Variants in KCNJ8 observed in about 807,000 individuals in gnomAD.
The protein encoded by KCNJ8 is potassium inwardly rectifying channel subfamily J member 8, also known as ATP-sensitive inward rectifier potassium channel 8.
Under a neutral mutation model 28.2 loss-of-function variants are expected in KCNJ8, and 13 were observed. The observed-to-expected ratio is 0.46, with a 90% CI of 0.30 to 0.73. KCNJ8 has a LOEUF of 0.73. Among genes scored for constraint, KCNJ8 ranks in the 30% least tolerant of loss-of-function variants. KCNJ8 has a pLI of 0.07. For synonymous variants in KCNJ8, 188 were observed against 195.9 expected (o/e 0.96, Z 0.34); for missense variants, 284 against 542.6 (o/e 0.52, Z 4.73).
intron 2 of KCNJ8, among the ~76,000 whole-genome samples, chr12:21,770,850 A>G (rs916776559): frequency 2.6e-5 from 4 of 152,230 alleles, no homozygotes; most frequent in Admixed American, 6.5e-5. Context: ...CACATTAGCA[A>G]TCTCTCAAAG....
At position 21,773,789 on chromosome 12, in the gene KCNJ8, G is replaced by T; in HGVS notation, c.-70-103C>A. ...TGTCTGTACATGTGCGAGGTGACAT[G>T]CAAAACCAAAAATGTGATTTTTACT... On this transcript the variant is annotated intron_variant, in intron 1 of 2. Transcript: ENST00000240662. The surrounding 1 kb of genome is among the most constrained non-coding windows in gnomAD (Gnocchi z 4.6). The T allele has an allele frequency of 1.2e-6, 1 of 804,896 alleles. No individual in the cohort carries two copies. Among genetic ancestry groups the T allele is most frequent in the Non-Finnish European group, 2.0e-6 (1 of 509,832 alleles). 49.9% of individuals were successfully genotyped at this position (804,896 alleles called of 1,614,324 possible).
chr12:21,771,354 TA>T (rs1325665802), intron 2 of KCNJ8, among the ~76,000 whole-genome samples: 1 of 152,216 alleles, frequency 6.6e-6, no homozygotes, highest in East Asian at 1.9e-4. Flanking sequence ...TCTCAAGAGA[TA>T]AAAGTGTTTA....
At chr12:21,769,323 T>A (rs1158137466) in intron 2 of KCNJ8, among the ~76,000 whole-genome samples, 1 of 152,142 alleles carries the variant, frequency 6.6e-6, no homozygotes, top group African/African-American at 2.4e-5. Context: ...TATTAAATAT[T>A]TGAAGCCCAC....
rs1311827935 is a variant in KCNJ8 at position 21,773,569 on chromosome 12, G to A, written c.48C>T (p.Arg16=). 1.9e-6 allele frequency: 3 copies of A among 1,613,972 alleles called. No homozygotes were observed. The highest frequency in any genetic ancestry group is 1.7e-6 in the Non-Finnish European group (2 of 1,180,050). Residue 16 remains arginine (R), a synonymous_variant, in exon 2 of 3, where the codon CGC becomes CGT. Transcript: ENST00000240662. This position sits in a 1 kb window ranked among gnomAD's most constrained non-coding sequence, Gnocchi z 4.6. ...SIIPEEYVLA[R]IAAENLRKPR... ...GCTTGCGCAGGTTCTCTGCGGCGATGCGCGCCAGCACATACTCCTCCGGGA... is the reference window on the plus strand; with the variant it reads ...GCTTGCGCAGGTTCTCTGCGGCGATACGCGCCAGCACATACTCCTCCGGGA...
chr12:21,765,815 T>G lies in KCNJ8; in HGVS notation c.1183A>C (p.Asn395His). 1 of 1,614,066 alleles carries G rather than the reference T, an allele frequency of 6.2e-7. No individual in the cohort carries two copies. The change falls in exon 3 of 3, where the codon AAC (asparagine) becomes CAC (histidine). Residue 395 changes from asparagine (N) to histidine (H), a missense_variant. By Grantham distance (68) the Asn-to-His change is moderately conservative. Around this residue, in one of 8 missense-constraint regions of KCNJ8, gnomAD observed 50 missense variants for 55.9 expected, o/e 0.90. Coordinates refer to ENST00000240662, the MANE Select transcript of KCNJ8 (RefSeq NM_004982.4). ...SMRRNNSMRR[N>H]NSIRRNNSSL... ...GAATTGTTCCTTCGGATAGAATTGT[T>G]CCTCCTCATGGAATTGTTTCTTCTC... is the stretch of plus-strand genomic sequence containing the variant.
At chr12:21,769,280 C>G (rs1158294858) in intron 2 of KCNJ8, among the ~76,000 whole-genome samples, 4 of 152,126 alleles carry the variant, frequency 2.6e-5, no homozygotes. Context: ...ACTATAAAGG[C>G]TAGAGGACAG....
intron 1 of KCNJ8, 89 bp downstream of exon 1, chr12:21,774,457 A>T (rs1388656753): frequency 6.6e-6 from 1 of 151,974 alleles, no homozygotes; most frequent in Non-Finnish European, 1.5e-5. Context: ...CATCACTGCA[A>T]GCCTCTGCGG....
At position 21,767,661 on chromosome 12, in the gene KCNJ8, G is replaced by A. The variant is rs563277520; in HGVS notation, c.375-1038C>T. On this transcript the variant is annotated intron_variant, in intron 2 of 2. Transcript: ENST00000240662. The stretch of plus-strand genomic sequence containing the variant: ...AAGGTTGGGGAGCACTACTCTAGGT[G>A]TTCTGGAGAATACTGAAATGATTAA... Among the ~76,000 whole-genome samples the A allele has an allele frequency of 2.8e-4, 42 of 152,272 alleles. No individual in the cohort carries two copies. In the South Asian group the frequency reaches 8.7e-3, roughly 32 times the overall value.
rs2137051907 is a variant in KCNJ8 at position 21,773,323 on chromosome 12, A to G, written c.294T>C (p.His98=). The G allele has an allele frequency of 6.2e-7, 1 of 1,614,220 alleles. No individual in the cohort carries two copies. Among genetic ancestry groups the G allele is most frequent in the Non-Finnish European group, 8.5e-7 (1 of 1,180,040 alleles). Residue 98 remains histidine, a synonymous_variant, in exon 2 of 3, where the codon CAT becomes CAC. Transcript: ENST00000240662. This position sits in a 1 kb window ranked among gnomAD's most constrained non-coding sequence, Gnocchi z 4.6. ...AIMWWLVAFA[H]GDIYAYMEKS... Reference sequence around the variant, plus strand: ...TCTCCATGTAAGCATAGATGTCCCCATGGGCAAAGGCCACCAGCCACCACA... The same window carrying G: ...TCTCCATGTAAGCATAGATGTCCCCGTGGGCAAAGGCCACCAGCCACCACA...
intron 2 of KCNJ8, among the ~76,000 whole-genome samples, chr12:21,770,291 T>C (rs1940728276): frequency 6.6e-6 from 1 of 152,154 alleles, no homozygotes; most frequent in Non-Finnish European, 1.5e-5. Flanking sequence ...AAAATATTTT[T>C]TGAATTGAGA....
intron 2 of KCNJ8, among the ~76,000 whole-genome samples, chr12:21,771,603 T>C (rs1374373805): frequency 6.6e-6 from 1 of 152,206 alleles, no homozygotes; most frequent in Admixed American, 6.5e-5. Flanking sequence ...GGTTGGACAT[T>C]GAATTCACAA....
Position 21,766,812 on chromosome 12 carries a change from A to G in KCNJ8, c.375-189T>C, listed in dbSNP as rs903712076. The G allele has an allele frequency of 1.6e-6, 1 of 614,298 alleles. No individual in the cohort carries two copies. Among genetic ancestry groups the G allele is most frequent in the Non-Finnish European group, 2.9e-6 (1 of 345,378 alleles). 38.1% of individuals were successfully genotyped at this position (614,298 alleles called of 1,614,324 possible). ...AACAGTCTCTCTCTCTCTTGCATGC[A>G]TCTACCTCCAGACTTCTGGAGATTA... On this transcript the variant is annotated intron_variant, in intron 2 of 2. Transcript: ENST00000240662. The surrounding 1 kb of genome is among the most constrained non-coding windows in gnomAD (Gnocchi z 6.5).
chr12:21,770,377 G>A (rs1940730224), intron 2 of KCNJ8, among the ~76,000 whole-genome samples: 1 of 152,062 alleles, frequency 6.6e-6, no homozygotes, highest in African/African-American at 2.4e-5. Flanking sequence ...TATATGCACT[G>A]GGAAACAAAA....
In KCNJ8 at chr12:21,773,660, C is replaced by T. The variant is rs1001978813; in HGVS notation, c.-44G>A. 1 of 1,606,046 alleles carries T rather than the reference C, an allele frequency of 6.2e-7. No individual in the cohort carries two copies. Among genetic ancestry groups the T allele is most frequent in the Non-Finnish European group, 8.5e-7 (1 of 1,179,846 alleles). The stretch of plus-strand genomic sequence containing the variant: ...AGCTTAGCCACCTCCCTCTCACCTG[C>T]CTCTCCGTCCCTGGACACCCGTCCT... On this transcript the variant is annotated 5_prime_UTR_variant, in exon 2 of 3. Transcript: ENST00000240662. The surrounding 1 kb of genome is among the most constrained non-coding windows in gnomAD (Gnocchi z 4.6).
rs112730327 is a variant in KCNJ8, at chr12:21,765,630, C to A, written c.*93G>T. 6 of 1,035,354 alleles carry A rather than the reference C, an allele frequency of 5.8e-6. No individual in the cohort carries two copies. The African/African-American group carries it at 6.3e-5, about 11-fold the overall frequency. The allele number at this position is 1,035,354 out of a possible 1,614,324, so 64.1% of individuals were successfully genotyped here. ...TTTAGTGTAATAAAATGTAGAAGGA[C>A]ACATTATTGTGTTCCAGCTCTGGTT... On this transcript the variant is annotated 3_prime_UTR_variant, in exon 3 of 3. Coordinates refer to ENST00000240662, the MANE Select transcript of KCNJ8 (RefSeq NM_004982.4).
Position 21,773,243 on chromosome 12 carries a change from C to A in KCNJ8, c.374G>T (p.Arg125Met). 1 of 1,613,200 alleles carries A rather than the reference C, an allele frequency of 6.2e-7. No individual in the cohort carries two copies. Among genetic ancestry groups the A allele is most frequent in the South Asian group, 1.1e-5 (1 of 91,000 alleles). The change falls in exon 2 of 3, where the codon AGG (arginine) becomes ATG (methionine). Residue 125 changes from arginine (R) to methionine (M), a missense_variant and splice_region_variant. Arg to Met is a moderately conservative substitution (Grantham distance 91). This residue lies in a region of KCNJ8 where 42 missense variants were observed against 50.9 expected (regional missense o/e 0.83). Coordinates refer to ENST00000240662, the MANE Select transcript of KCNJ8 (RefSeq NM_004982.4). The surrounding 1 kb of genome is among the most constrained non-coding windows in gnomAD (Gnocchi z 4.6). Reference sequence around the variant, plus strand: ...CTGCCTCATCCCACTACATTCTTACCTGACATTAGTCACACACACAGTGGA... The same window carrying A: ...CTGCCTCATCCCACTACATTCTTACATGACATTAGTCACACACACAGTGGA... Reference protein sequence around the residue: ...LESTVCVTNVRSFTSAFLFSI... With the variant: ...LESTVCVTNVMSFTSAFLFSI...
At position 21,773,891 on chromosome 12, in the gene KCNJ8, T is replaced by G. The variant is rs1191494939; in HGVS notation, c.-70-205A>C. Among the ~76,000 whole-genome samples, 3 of 152,214 alleles carry G rather than the reference T, an allele frequency of 2.0e-5. No individual in the cohort carries two copies. The East Asian group carries it at 5.8e-4, about 29-fold the overall frequency. On this transcript the variant is annotated intron_variant, in intron 1 of 2. Transcript: ENST00000240662. The surrounding 1 kb of genome is among the most constrained non-coding windows in gnomAD (Gnocchi z 4.6). ...TACTTGGTTTTAATAAAAAGAACTG[T>G]TTCAATTTTTCTTATTCTGAGTACA...
chr12:21,772,715 A>G (rs955785410), intron 2 of KCNJ8, among the ~76,000 whole-genome samples: 8 of 152,214 alleles, frequency 5.3e-5, no homozygotes, highest in Non-Finnish European at 1.2e-4. Context: ...CTCGATAAAG[A>G]AGGGATGATA....
chr12:21,771,455 A>G (rs1442240465), intron 2 of KCNJ8, among the ~76,000 whole-genome samples: 1 of 152,234 alleles, frequency 6.6e-6, no homozygotes, highest in East Asian at 1.9e-4. Context: ...CTCATATTAA[A>G]TGGAGTCAAA....
Sources: allele counts gnomAD v4.1 joint callset (sites outside exome capture counted in the v4.1 genomes callset), GRCh38; gene constraint gnomAD v4.1.1; regional missense constraint gnomAD v4.1.1; non-coding constraint Gnocchi (gnomAD v3.1); transcripts MANE v1.5; gene names NCBI Gene and HGNC (gene_info 2026-07-23, HGNC 2026-07-21).